The following ZNF362 variants were observed in gnomAD, a reference collection of about 807,000 sequenced individuals.
ZNF362 encodes rotund homolog.
In ZNF362, 11 loss-of-function variants were observed where a neutral mutation model predicts 42.9. The ratio of observed to expected loss-of-function variants is 0.26; its 90% CI spans 0.16 to 0.42. ZNF362 has a LOEUF of 0.42. Ranked by LOEUF, ZNF362 falls within the 20% of genes least tolerant of loss-of-function variation. ZNF362 has a pLI of 1.00. For synonymous variants in ZNF362, 255 were observed against 257.3 expected (o/e 0.99, Z 0.09); for missense variants, 362 against 576.2 (o/e 0.63, Z 3.81).
chr1:33,296,207 C>T (rs547097484), intron 8 of ZNF362, among the ~76,000 whole-genome samples: 5 of 152,306 alleles, frequency 3.3e-5, no homozygotes, highest in East Asian at 2.0e-4. Flanking sequence ...CCACTGTGGG[C>T]GCTGGCCTGC....
rs1292089201 is a variant in ZNF362, at chr1:33,294,593, A to G, written c.909-344A>G. On this transcript the variant is annotated intron_variant, in intron 6 of 8. Coordinates refer to ENST00000539719, the MANE Select transcript of ZNF362 (RefSeq NM_152493.3). The surrounding 1 kb of genome is among the most constrained non-coding windows in gnomAD (Gnocchi z 4.2). Reference sequence around the variant, plus strand: ...AAGCTGTGCATCTGTGTTCTTTGCAATATGTGGTCCGTAGTGTGGGGTTTT... The same window carrying G: ...AAGCTGTGCATCTGTGTTCTTTGCAGTATGTGGTCCGTAGTGTGGGGTTTT... Among the ~76,000 whole-genome samples, 1 of 152,230 alleles carries G rather than the reference A, an allele frequency of 6.6e-6. No individual in the cohort carries two copies. Among genetic ancestry groups the G allele is most frequent in the Non-Finnish European group, 1.5e-5 (1 of 68,010 alleles).
At chr1:33,269,287 A>G (rs1645885384) in intron 1 of ZNF362, among the ~76,000 whole-genome samples, 1 of 152,196 alleles carries the variant, frequency 6.6e-6, no homozygotes, top group Non-Finnish European at 1.5e-5. Flanking sequence ...TATTGTTTTC[A>G]TTAAGCAGCT....
the ZNF362 span, among the ~76,000 whole-genome samples, chr1:33,158,907 C>G: frequency 5.3e-5 from 8 of 151,752 alleles, no homozygotes; most frequent in African/African-American, 1.9e-4. Context: ...ATGGCGCGAT[C>G]TCAGCTCACT....
At chr1:33,149,458 T>TAA in the ZNF362 span, among the ~76,000 whole-genome samples, 96 of 146,724 alleles carry the variant, frequency 6.5e-4, no homozygotes, top group African/African-American at 2.3e-3. Context: ...TGGATTCTTT[T>TAA]AAAAAAAAAA....
chr1:33,210,736 C>T, the ZNF362 span, among the ~76,000 whole-genome samples: 1 of 151,858 alleles, frequency 6.6e-6, no homozygotes, highest in African/African-American at 2.4e-5. Context: ...TATCAGAGAC[C>T]CAGGATTGCA....
the ZNF362 span, among the ~76,000 whole-genome samples, chr1:33,224,082 C>A: frequency 6.6e-6 from 1 of 151,750 alleles, no homozygotes; most frequent in African/African-American, 2.4e-5. Context: ...AAAATTTAAT[C>A]AAAATTTACT....
At position 33,280,379 on chromosome 1, in the gene ZNF362, C is replaced by T. The variant is rs146537173; in HGVS notation, c.605C>T (p.Pro202Leu). The change falls in exon 5 of 9, where the codon CCG becomes CTG. Residue 202 changes from proline (P) to leucine (L), a missense_variant. Transcript: ENST00000539719. This position sits in a 1 kb window ranked among gnomAD's most constrained non-coding sequence, Gnocchi z 5.6. ...CGCAAAAAGATCAAGGCGGAGAACCCGGGGGGTCCGCCTGTCCTTGTAGTC... is the reference window on the plus strand; with the variant it reads ...CGCAAAAAGATCAAGGCGGAGAACCTGGGGGGTCCGCCTGTCCTTGTAGTC... ...RGRKKIKAENPGGPPVLVVPY... is the reference protein window; with the variant it reads ...RGRKKIKAENLGGPPVLVVPY... The T allele has an allele frequency of 2.1e-5, 34 of 1,613,548 alleles. No homozygotes were observed. Among genetic ancestry groups the T allele is most frequent in the Non-Finnish European group, 2.9e-5 (34 of 1,179,852 alleles).
At chr1:33,153,817 C>A in the ZNF362 span, among the ~76,000 whole-genome samples, 1 of 152,226 alleles carries the variant, frequency 6.6e-6, no homozygotes, top group Non-Finnish European at 1.5e-5. Flanking sequence ...AGAACTGAGA[C>A]TAGGATCCAT....
chr1:33,237,252 G>A, the ZNF362 span, among the ~76,000 whole-genome samples: 1 of 152,144 alleles, frequency 6.6e-6, no homozygotes, highest in Non-Finnish European at 1.5e-5. Flanking sequence ...AATATTATCT[G>A]TTAAGAGCTT....
the ZNF362 span, among the ~76,000 whole-genome samples, chr1:33,151,719 G>A: frequency 4.7e-3 from 721 of 152,342 alleles, 3 homozygotes; most frequent in Non-Finnish European, 8.7e-3. Flanking sequence ...CTCCAGGTGT[G>A]TTGTCCATTC....
chr1:33,179,776 T>G, the ZNF362 span, among the ~76,000 whole-genome samples: 1 of 152,136 alleles, frequency 6.6e-6, no homozygotes, highest in Non-Finnish European at 1.5e-5. Context: ...TGGATTTAAG[T>G]GATTTAGCTT....
Position 33,294,958 on chromosome 1 carries a change from C to T in ZNF362, c.930C>T (p.Pro310=). Residue 310 remains proline (P), a synonymous_variant, in exon 7 of 9, where the codon CCC becomes CCT. Transcript: ENST00000539719. This position sits in a 1 kb window ranked among gnomAD's most constrained non-coding sequence, Gnocchi z 4.2. ...QHTRIHTGDR[P]YKCPHPGCEK... The stretch of plus-strand genomic sequence containing the variant: ...ACAGAATCCACACAGGCGACAGACC[C>T]TACAAGTGCCCACATCCTGGCTGCG... The T allele has an allele frequency of 1.2e-6, 2 of 1,614,110 alleles. No individual in the cohort carries two copies. Among genetic ancestry groups the T allele is most frequent in the East Asian group, 4.5e-5 (2 of 44,884 alleles).
intron 6 of ZNF362, among the ~76,000 whole-genome samples, chr1:33,289,691 G>A (rs1646061722): frequency 6.6e-6 from 1 of 152,224 alleles, no homozygotes; most frequent in Non-Finnish European, 1.5e-5. Context: ...GAAAGAACTT[G>A]CTTTCCTTCA....
chr1:33,299,064 C>T lies in ZNF362; in HGVS notation c.*18C>T. On this transcript the variant is annotated 3_prime_UTR_variant, in exon 9 of 9. Coordinates refer to ENST00000539719, the MANE Select transcript of ZNF362 (RefSeq NM_152493.3). ...TCATCTGAGCCCACTGGAGGCGCCG[C>T]CCCACCCGGCCCACTGGCAGACACA... The T allele has an allele frequency of 1.3e-6, 2 of 1,590,694 alleles. No individual in the cohort carries two copies. Among genetic ancestry groups the T allele is most frequent in the Non-Finnish European group, 1.7e-6 (2 of 1,169,172 alleles).
chr1:33,165,574 A>ACAC, the ZNF362 span: 1 of 1,601,908 alleles, frequency 6.2e-7, no homozygotes, highest in Non-Finnish European at 8.5e-7. This position sits in a 1 kb window ranked among gnomAD's most constrained non-coding sequence, Gnocchi z 4.0. Flanking sequence ...CCTCTGAAAC[A>ACAC]CACACAGGGC....
chr1:33,250,886 G>GAAGAAGAAGAAGAA, the ZNF362 span, among the ~76,000 whole-genome samples: 1 of 152,014 alleles, frequency 6.6e-6, no homozygotes, highest in African/African-American at 2.4e-5. Context: ...AGAAGAAGAA[G>GAAGAAGAAGAAGAA]AAGAAGAAGG....
intron 1 of ZNF362, among the ~76,000 whole-genome samples, chr1:33,267,555 G>C (rs979386158): frequency 1.3e-5 from 2 of 152,170 alleles, no homozygotes; most frequent in African/African-American, 4.8e-5. Flanking sequence ...TGTCAGGGTG[G>C]AGAGTATGGG....
the ZNF362 span, among the ~76,000 whole-genome samples, chr1:33,186,221 T>C: frequency 1.3e-5 from 2 of 152,168 alleles, no homozygotes; most frequent in African/African-American, 4.8e-5. Flanking sequence ...TTGTCTCAGC[T>C]GTCATAGTGT....
chr1:33,140,214 G>A, the ZNF362 span, among the ~76,000 whole-genome samples: 2 of 152,202 alleles, frequency 1.3e-5, no homozygotes, highest in Non-Finnish European at 2.9e-5. This position sits in a 1 kb window ranked among gnomAD's most constrained non-coding sequence, Gnocchi z 4.0. Context: ...GGATGCTTAC[G>A]GTGGCGATGA....
Sources: allele counts gnomAD v4.1 joint callset (sites outside exome capture counted in the v4.1 genomes callset), GRCh38; gene constraint gnomAD v4.1.1; non-coding constraint Gnocchi (gnomAD v3.1); transcripts MANE v1.5; gene names NCBI Gene and HGNC (gene_info 2026-07-23, HGNC 2026-07-21).